Variants in ASTN2 observed in about 807,000 individuals in gnomAD.
ASTN2 encodes the protein astrotactin 2, also known as astrotactin-2.
Under a neutral mutation model 139.8 loss-of-function variants are expected in ASTN2, and 54 were observed. That is an observed-to-expected ratio of 0.39 (90% CI 0.31 to 0.48). The LOEUF is 0.48. ASTN2 is among the 20% of genes least tolerant of loss of function. The pLI is 0.95. For synonymous variants in ASTN2, 756 were observed against 719.5 expected, an observed-to-expected ratio of 1.05 and a Z score of -0.81; for missense variants, 1,565 against 1,725.1, an observed-to-expected ratio of 0.91 and a Z score of 1.64.
At chr9:116,780,043 ACC>A (rs1830177295) in intron 13 of ASTN2, among the ~76,000 whole-genome samples, 2 of 152,174 alleles carry the variant, frequency 1.3e-5, no homozygotes, top group African/African-American at 4.8e-5. Context: ...TCATTCACTC[ACC>A]CACTCATTCA....
chr9:116,972,559 A>C (rs936276333), intron 10 of ASTN2, among the ~76,000 whole-genome samples: 1 of 152,158 alleles, frequency 6.6e-6, no homozygotes, highest in African/African-American at 2.4e-5. Flanking sequence ...TTAGTACATA[A>C]CACTCCACAG....
intron 2 of ASTN2, among the ~76,000 whole-genome samples, chr9:117,284,256 A>G (rs1028219832): frequency 8.5e-5 from 13 of 152,074 alleles, no homozygotes; most frequent in African/African-American, 3.1e-4. Flanking sequence ...GGCTCACACC[A>G]CCAAGGCCAA....
chr9:116,734,768 G>C (rs1828880707), intron 13 of ASTN2, among the ~76,000 whole-genome samples: 1 of 152,092 alleles, frequency 6.6e-6, no homozygotes, highest in Non-Finnish European at 1.5e-5. Flanking sequence ...AGTGGCTTGG[G>C]TCACCTTCCT....
chr9:117,126,508 C>T (rs1357275746), intron 4 of ASTN2, among the ~76,000 whole-genome samples: 1 of 152,120 alleles, frequency 6.6e-6, no homozygotes, highest in Admixed American at 6.5e-5. Context: ...AAAGAAATGG[C>T]CAATAATTGT....
chr9:116,693,665 G>A (rs1860687889), intron 16 of ASTN2, among the ~76,000 whole-genome samples: 1 of 152,254 alleles, frequency 6.6e-6, no homozygotes, highest in Admixed American at 6.5e-5. Flanking sequence ...GACATTCAAG[G>A]GATCATGAAG....
intron 17 of ASTN2, among the ~76,000 whole-genome samples, chr9:116,635,020 C>T (rs751100654): frequency 1.3e-5 from 2 of 152,158 alleles, no homozygotes; most frequent in Non-Finnish European, 2.9e-5. Context: ...AGTGTTCAAT[C>T]GTACTAGCTA....
intron 1 of ASTN2, among the ~76,000 whole-genome samples, chr9:117,293,470 G>T (rs955578023): frequency 5.9e-5 from 9 of 152,158 alleles, no homozygotes; most frequent in Non-Finnish European, 1.3e-4. Flanking sequence ...GCAAACACAT[G>T]CTTGGGCTTC....
chr9:116,844,607 A>AAAAAAC (rs1832371187), intron 11 of ASTN2, among the ~76,000 whole-genome samples: 1 of 152,218 alleles, frequency 6.6e-6, no homozygotes, highest in African/African-American at 2.4e-5. Context: ...AGGAAAAAAA[A>AAAAAAC]AAAAACAAAA....
chr9:117,296,277 CAAAAAAAAAAAAA>C (rs5900277), intron 1 of ASTN2, among the ~76,000 whole-genome samples: 3 of 71,004 alleles, frequency 4.2e-5, no homozygotes, highest in African/African-American at 6.0e-5. Context: ...GACTGCATCT[CAAAAAAAAAAAAA>C]AAAAAAAAAA....
intron 19 of ASTN2, among the ~76,000 whole-genome samples, chr9:116,536,952 A>T (rs1430640667): frequency 6.6e-6 from 1 of 152,184 alleles, no homozygotes; most frequent in Non-Finnish European, 1.5e-5. Context: ...CTGCCCCCAG[A>T]GGTGGAGTCT....
chr9:116,430,794 G>C (rs1375340901), intron 22 of ASTN2, among the ~76,000 whole-genome samples: 4 of 152,232 alleles, frequency 2.6e-5, no homozygotes, highest in African/African-American at 9.6e-5. Flanking sequence ...GGAGAGAAGG[G>C]TTGGAGGTGC....
intron 7 of ASTN2, among the ~76,000 whole-genome samples, chr9:116,979,290 G>GACATGT (rs1836443023): frequency 6.6e-6 from 1 of 152,106 alleles, no homozygotes; most frequent in Non-Finnish European, 1.5e-5. Context: ...AGAGACAGAA[G>GACATGT]ACATGTCCTT....
At chr9:116,469,985 AC>A (rs1367554677) in intron 20 of ASTN2, among the ~76,000 whole-genome samples, 1 of 152,030 alleles carries the variant, frequency 6.6e-6, no homozygotes, top group African/African-American at 2.4e-5. Context: ...TGGCAGGATC[AC>A]CTGAGGTCAG....
chr9:117,310,541 C>A (rs1265149388), intron 1 of ASTN2, among the ~76,000 whole-genome samples: 3 of 152,132 alleles, frequency 2.0e-5, no homozygotes, highest in Admixed American at 6.5e-5. Context: ...TCACCCCAAC[C>A]AAGAGCAGCC....
intron 20 of ASTN2, among the ~76,000 whole-genome samples, chr9:116,470,005 G>C (rs890164362): frequency 1.3e-5 from 2 of 151,946 alleles, no homozygotes; most frequent in Non-Finnish European, 2.9e-5. Context: ...AGGAGTTCGA[G>C]ACCAGCCTGA....
chr9:116,529,007 A>AG (rs1325665834), intron 19 of ASTN2, among the ~76,000 whole-genome samples: 1 of 152,220 alleles, frequency 6.6e-6, no homozygotes, highest in Non-Finnish European at 1.5e-5. Flanking sequence ...GGCAATGCAG[A>AG]GGGGAAATGT....
At chr9:116,772,793 C>A (rs531654882) in intron 13 of ASTN2, among the ~76,000 whole-genome samples, 4 of 152,268 alleles carry the variant, frequency 2.6e-5, no homozygotes, top group African/African-American at 9.6e-5. Context: ...TGGCTGCAGT[C>A]ATCAGGACCT....
At chr9:116,763,818 T>C (rs16933889) in intron 13 of ASTN2, among the ~76,000 whole-genome samples, 6,769 of 152,250 alleles carry the variant, frequency 0.044, 269 homozygotes, top group Non-Finnish European at 0.06. Context: ...AGCTCTCCTA[T>C]GGTTTCTTTT....
chr9:116,919,493 C>A (rs1229518938), intron 10 of ASTN2, among the ~76,000 whole-genome samples: 1 of 152,132 alleles, frequency 6.6e-6, no homozygotes, highest in Non-Finnish European at 1.5e-5. Context: ...TGGACAAATA[C>A]TGCAGCCTCT....
Sources: gnomAD v4.1 joint callset for allele counts (sites outside exome capture counted in the v4.1 genomes callset) on GRCh38, gnomAD v4.1.1 for gene constraint, MANE v1.5 for transcripts, NCBI Gene and HGNC (gene_info 2026-07-23, HGNC 2026-07-21) for gene names.